Variants in FDX2 observed in about 807,000 individuals in gnomAD.
FDX2 encodes ferredoxin 2.
FDX2 carries 13 observed loss-of-function variants against 18.5 expected under a neutral mutation model. The observed-to-expected ratio is 0.70, with a 90% CI of 0.46 to 1.12. The LOEUF (loss-of-function observed/expected upper bound fraction) is 1.12, where lower values mean the gene tolerates loss of function less well. Ranked by LOEUF, FDX2 falls within the 50% of genes most tolerant of loss-of-function variation. The probability of loss-of-function intolerance (pLI) is 0.00; values close to 1 mark genes in which losing one functional copy is unlikely to be tolerated. For synonymous variants in FDX2, 132 were observed against 106.2 expected (o/e 1.24, Z -1.49); for missense variants, 238 against 250.4 (o/e 0.95, Z 0.34).
At chr19:10,315,568 T>C (rs1351703872) in intron 2 of FDX2, 76 bp from the exon 3 acceptor site, 7 of 1,551,976 alleles carry the variant, frequency 4.5e-6, no homozygotes, top group Admixed American at 1.8e-5. Context: ...GGTTAGGAAG[T>C]AGGAATTGAG....
In FDX2 at chr19:10,310,285, T is replaced by G. The variant is rs1294929018; in HGVS notation, c.*201A>C. The G allele has an allele frequency of 1.5e-6, 1 of 673,254 alleles. No individual in the cohort carries two copies. Among genetic ancestry groups the G allele is most frequent in the Non-Finnish European group, 2.5e-6 (1 of 404,740 alleles). 41.7% of individuals were successfully genotyped at this position (673,254 alleles called of 1,614,324 possible). A position where few individuals can be genotyped will look rare whatever the true frequency, so the allele number is the denominator to read the frequency against. ...ACTCAAACCCTGATTCTCAGGGGCC[T>G]GGGGAAGGCCACCCCACTAGGGGCC... On this transcript the variant is annotated 3_prime_UTR_variant, in exon 5 of 5. Transcript: ENST00000393708.
At chr19:10,312,847 C>T (rs2040338026) in intron 3 of FDX2, among the ~76,000 whole-genome samples, 1 of 152,074 alleles carries the variant, frequency 6.6e-6, no homozygotes, top group Non-Finnish European at 1.5e-5. Flanking sequence ...AGGCCACTTA[C>T]CTCTACTAGC....
At chr19:10,313,841 C>T (rs1227011845) in intron 3 of FDX2, among the ~76,000 whole-genome samples, 2 of 149,920 alleles carry the variant, frequency 1.3e-5, no homozygotes, top group Admixed American at 6.6e-5. Context: ...CCCACCACCA[C>T]GCCCACCTAA....
In FDX2 at chr19:10,310,427, C is replaced by CT; in HGVS notation, c.*58dup. The CT allele has an allele frequency of 6.2e-7, 1 of 1,609,652 alleles. No individual in the cohort carries two copies. The stretch of plus-strand genomic sequence containing the variant: ...CACTCTGGGCAGGGCTGGCACCTGG[C>CT]TATTCCCTCAATCTGGGCCCTGGGG... On this transcript the variant is annotated 3_prime_UTR_variant, in exon 5 of 5. Transcript: ENST00000393708.
chr19:10,310,809 G>A, intron 4 of FDX2, 44 bp downstream of exon 4: 1 of 1,589,508 alleles, frequency 6.3e-7, no homozygotes, highest in East Asian at 2.2e-5. Context: ...GCTGCTGAAT[G>A]CTCCAGGGTG....
At position 10,310,999 on chromosome 19, in the gene FDX2, T is replaced by C. The variant is rs551552521; in HGVS notation, c.317-59A>G. 1.7e-4 allele frequency: 219 copies of C among 1,312,748 alleles called. No individual in the cohort carries two copies. The African/African-American group carries it at 2.8e-3, about 17-fold the overall frequency. The allele number at this position is 1,312,748 out of a possible 1,614,324, so 81.3% of individuals were successfully genotyped here. On this transcript the variant is annotated intron_variant, in intron 3 of 4. Coordinates refer to ENST00000393708, the MANE Select transcript of FDX2 (RefSeq NM_001031734.4). The stretch of plus-strand genomic sequence containing the variant: ...TGGCAGAGTCAGGAAGGGGCTGCTA[T>C]GCGAATGGCGTAGAGGAGTAGACCT...
At chr19:10,311,494 T>G (rs1245739389) in intron 3 of FDX2, among the ~76,000 whole-genome samples, 1 of 149,004 alleles carries the variant, frequency 6.7e-6, no homozygotes, top group Non-Finnish European at 1.5e-5. Flanking sequence ...GCCTCCCGGG[T>G]TCACGCCATT....
At chr19:10,315,337 T>TTTTTTTGACAAATG in intron 3 of FDX2, 49 bp downstream of exon 3, 1 of 1,064,558 alleles carries the variant, frequency 9.4e-7, no homozygotes, top group Admixed American at 2.8e-5. Context: ...TTTTTTTTTT[T>TTTTTTTGACAAATG]TGGACAAATG....
chr19:10,312,650 C>T (rs2040336235), intron 3 of FDX2, among the ~76,000 whole-genome samples: 1 of 152,074 alleles, frequency 6.6e-6, no homozygotes, highest in African/African-American at 2.4e-5. Flanking sequence ...CTCCTGCCTC[C>T]GCCTCCCAGA....
intron 3 of FDX2, among the ~76,000 whole-genome samples, chr19:10,314,922 G>A (rs1026358486): frequency 2.6e-4 from 40 of 152,158 alleles, no homozygotes; most frequent in African/African-American, 9.7e-4. Flanking sequence ...CCAATGTGGT[G>A]AAACCCCGTC....
chr19:10,311,689 T>TGCACCCG (rs2040326230), intron 3 of FDX2, among the ~76,000 whole-genome samples: 1 of 148,722 alleles, frequency 6.7e-6, no homozygotes, highest in South Asian at 2.1e-4. Flanking sequence ...CGTAAGCCAC[T>TGCACCCG]GCACCCGGCC....
chr19:10,310,965 G>A (rs750196456), intron 3 of FDX2, 25 bp from the exon 4 acceptor site: 26 of 1,559,596 alleles, frequency 1.7e-5, no homozygotes, highest in South Asian at 2.3e-5. Flanking sequence ...TGAAGGGGGC[G>A]CAGGTGAGTG....
At position 10,315,855 on chromosome 19, in the gene FDX2, T is replaced by C. The variant is rs1599295146; in HGVS notation, c.151A>G (p.Thr51Ala). 1 of 1,599,554 alleles carries C rather than the reference T, an allele frequency of 6.3e-7. No homozygotes were observed. Among genetic ancestry groups the C allele is most frequent in the South Asian group, 1.1e-5 (1 of 90,020 alleles). The change falls in exon 1 of 5, where the codon ACA (threonine) becomes GCA (alanine). Residue 51 changes from threonine (T) to alanine (A), a missense_variant. Thr to Ala is a moderately conservative substitution (Grantham distance 58). Coordinates refer to ENST00000393708, the MANE Select transcript of FDX2 (RefSeq NM_001031734.4). ...CCGCCCCGGGCGCCCCAGGTACCTG[T>C]CGCTTGAAACTTTCTGGTTGTCCCC...
intron 3 of FDX2, among the ~76,000 whole-genome samples, chr19:10,311,492 G>A (rs1187997359): frequency 6.6e-6 from 1 of 151,656 alleles, no homozygotes; most frequent in African/African-American, 2.4e-5. Context: ...CTGCCTCCCG[G>A]GTTCACGCCA....
chr19:10,312,903 AAGG>A (rs1290596815), intron 3 of FDX2, among the ~76,000 whole-genome samples: 1 of 152,134 alleles, frequency 6.6e-6, no homozygotes, highest in African/African-American at 2.4e-5. Context: ...TTGGGAGGCC[AAGG>A]CAGGCAGATC....
rs2040308192 is a variant in FDX2, at chr19:10,310,173, T to C, written c.*313A>G. ...TAGGATTACAGGTGTGAGCCACCTGTAGACCCCAGATCTGTCCCCCAAGGA... is the reference window on the plus strand; with the variant it reads ...TAGGATTACAGGTGTGAGCCACCTGCAGACCCCAGATCTGTCCCCCAAGGA... On this transcript the variant is annotated 3_prime_UTR_variant, in exon 5 of 5. Coordinates refer to ENST00000393708, the MANE Select transcript of FDX2 (RefSeq NM_001031734.4). The C allele has an allele frequency of 5.6e-6, 2 of 359,354 alleles. No individual in the cohort carries two copies. The highest frequency in any genetic ancestry group is 1.0e-5 in the Non-Finnish European group (2 of 193,838). The allele number at this position is 359,354 out of a possible 1,614,324, so 22.3% of individuals were successfully genotyped here.
intron 3 of FDX2, among the ~76,000 whole-genome samples, chr19:10,314,843 C>T (rs1293957481): frequency 6.6e-6 from 1 of 152,166 alleles, no homozygotes; most frequent in Non-Finnish European, 1.5e-5. Context: ...GTGGCTCATG[C>T]CTGTAATCCC....
chr19:10,310,741 G>T lies in FDX2; in HGVS notation c.405-99C>A, dbSNP rs1313138502. The T allele has an allele frequency of 2.9e-6, 4 of 1,400,120 alleles. No homozygotes were observed. In the African/African-American group the frequency reaches 5.8e-5, roughly 20 times the overall value. The allele number at this position is 1,400,120 out of a possible 1,614,324, so 86.7% of individuals were successfully genotyped here. ...GGAGGAAGCTGACTGAGCGCAGGGGGTAGTGGTGGGGGAGGCAGCTCCCAT... is the reference window on the plus strand; with the variant it reads ...GGAGGAAGCTGACTGAGCGCAGGGGTTAGTGGTGGGGGAGGCAGCTCCCAT... On this transcript the variant is annotated intron_variant, in intron 4 of 4. Coordinates refer to ENST00000393708, the MANE Select transcript of FDX2 (RefSeq NM_001031734.4).
At chr19:10,311,113 G>C (rs1270826007) in intron 3 of FDX2, among the ~76,000 whole-genome samples, 173 bp from the exon 4 acceptor site, 1 of 152,228 alleles carries the variant, frequency 6.6e-6, no homozygotes, top group African/African-American at 2.4e-5. Flanking sequence ...AATGTCCTCA[G>C]CTAGCTGTTC....
Sources: allele counts gnomAD v4.1 joint callset (sites outside exome capture counted in the v4.1 genomes callset), GRCh38; gene constraint gnomAD v4.1.1; transcripts MANE v1.5; gene names NCBI Gene and HGNC (gene_info 2026-07-23, HGNC 2026-07-21).